Variants in OLA1 observed in about 807,000 individuals in gnomAD.
OLA1 encodes Obg like ATPase 1.
OLA1 carries 14 observed loss-of-function variants against 48.4 expected under a neutral mutation model. The observed-to-expected ratio is 0.29, with a 90% CI of 0.19 to 0.45. The LOEUF is 0.45. Among genes scored for constraint, OLA1 ranks in the 20% least tolerant of loss-of-function variants. The probability of loss-of-function intolerance (pLI) is 1.00; values close to 1 mark genes in which losing one functional copy is unlikely to be tolerated. For synonymous variants in OLA1, 127 were observed against 150.4 expected (o/e 0.84, Z 1.14); for missense variants, 325 against 467.1 (o/e 0.70, Z 2.80).
chr2:174,163,002 C>T (rs1446509809), intron 4 of OLA1, among the ~76,000 whole-genome samples: 2 of 152,090 alleles, frequency 1.3e-5, no homozygotes, highest in Non-Finnish European at 2.9e-5. Context: ...CTTGATAGTG[C>T]CACTGCACTC....
intron 7 of OLA1, among the ~76,000 whole-genome samples, chr2:174,083,598 T>TG (rs1358934206): frequency 6.6e-6 from 1 of 151,744 alleles, no homozygotes; most frequent in African/African-American, 2.4e-5. Flanking sequence ...AAAAAAAAGG[T>TG]GGGGGGACTG....
chr2:174,075,259 G>GT lies in OLA1; in HGVS notation c.*166_*167insA. 1.9e-6 allele frequency: 1 copy of GT among 514,398 alleles called. No homozygotes were observed. Among genetic ancestry groups the GT allele is most frequent in the South Asian group, 2.3e-5 (1 of 43,510 alleles). 31.9% of individuals were successfully genotyped at this position (514,398 alleles called of 1,614,324 possible). On this transcript the variant is annotated 3_prime_UTR_variant, in exon 11 of 11. Coordinates refer to ENST00000284719, the MANE Select transcript of OLA1 (RefSeq NM_013341.5). ...TTAGTGAACCTGCATTTCATGGGGG[G>GT]GGGGGGGTACACAGTATTTTAATTT...
intron 2 of OLA1, among the ~76,000 whole-genome samples, chr2:174,235,909 C>T (rs1392201894): frequency 1.3e-5 from 2 of 152,158 alleles, no homozygotes; most frequent in Non-Finnish European, 2.9e-5. Context: ...CTATGAGCCA[C>T]AGTGGAGAGA....
intron 4 of OLA1, among the ~76,000 whole-genome samples, chr2:174,160,151 A>G (rs2105395581): frequency 6.6e-6 from 1 of 152,164 alleles, no homozygotes; most frequent in East Asian, 1.9e-4. Context: ...AGAAAATACA[A>G]CATACATATA....
At chr2:174,148,490 C>T (rs1253338412) in intron 4 of OLA1, among the ~76,000 whole-genome samples, 1 of 152,158 alleles carries the variant, frequency 6.6e-6, no homozygotes, top group Non-Finnish European at 1.5e-5. Context: ...ATGGTAAACT[C>T]TCATTTAAAA....
At chr2:174,240,656 C>A (rs376641977) in intron 2 of OLA1, among the ~76,000 whole-genome samples, 4 of 152,126 alleles carry the variant, frequency 2.6e-5, no homozygotes, top group African/African-American at 9.6e-5. Context: ...AGAGATATCT[C>A]TGATATCCAT....
intron 2 of OLA1, among the ~76,000 whole-genome samples, chr2:174,244,751 A>C (rs529001312): frequency 6.6e-6 from 1 of 151,754 alleles, no homozygotes; most frequent in South Asian, 2.1e-4. Context: ...CAGCCTCCCG[A>C]GTATCTGGAA....
chr2:174,073,998 A>C lies in OLA1; in HGVS notation c.*1428T>G, dbSNP rs1329226291. 1 of 152,234 alleles carries C rather than the reference A, an allele frequency of 6.6e-6. No individual in the cohort carries two copies. The highest frequency in any genetic ancestry group is 1.5e-5 in the Non-Finnish European group (1 of 68,028). 9.4% of individuals were successfully genotyped at this position (152,234 alleles called of 1,614,324 possible). On this transcript the variant is annotated 3_prime_UTR_variant, in exon 11 of 11. Transcript: ENST00000284719. ...TTGATACTAAAAAAATACTCACTGGAGAGCTTCTAAATTATACTCACGACT... is the reference window on the plus strand; with the variant it reads ...TTGATACTAAAAAAATACTCACTGGCGAGCTTCTAAATTATACTCACGACT...
At chr2:174,180,036 T>A (rs1465892848) in intron 4 of OLA1, among the ~76,000 whole-genome samples, 2 of 152,128 alleles carry the variant, frequency 1.3e-5, no homozygotes, top group African/African-American at 4.8e-5. Context: ...ATAAAACTAC[T>A]GAGTCTAACA....
At chr2:174,089,371 A>G (rs1017351527) in intron 7 of OLA1, among the ~76,000 whole-genome samples, 1 of 152,208 alleles carries the variant, frequency 6.6e-6, no homozygotes, top group Non-Finnish European at 1.5e-5. Context: ...AATGTCTGAG[A>G]TAACTATGCA....
At chr2:174,123,314 G>A (rs777662190) in intron 6 of OLA1, 37 bp from the exon 7 acceptor site, 2 of 996,104 alleles carry the variant, frequency 2.0e-6, no homozygotes, top group South Asian at 1.6e-5. Context: ...CCTTTTAAAA[G>A]TTTAGTAAAT....
intron 7 of OLA1, among the ~76,000 whole-genome samples, chr2:174,089,665 G>A (rs900936852): frequency 6.6e-6 from 1 of 152,086 alleles, no homozygotes; most frequent in East Asian, 1.9e-4. Flanking sequence ...ACTTTGGGAG[G>A]CCGAGGCGGG....
intron 7 of OLA1, among the ~76,000 whole-genome samples, chr2:174,082,542 T>C (rs551833841): frequency 6.6e-6 from 1 of 152,146 alleles, no homozygotes. Flanking sequence ...CTGGTTTAGT[T>C]CCTTCATGGA....
intron 5 of OLA1, among the ~76,000 whole-genome samples, chr2:174,127,072 C>T (rs189353145): frequency 5.3e-4 from 81 of 152,294 alleles, no homozygotes; most frequent in African/African-American, 1.8e-3. Context: ...CAGAGCTTCA[C>T]ATTTAAAATT....
intron 7 of OLA1, among the ~76,000 whole-genome samples, chr2:174,115,450 C>T (rs562944861): frequency 4.6e-4 from 70 of 152,124 alleles, no homozygotes; most frequent in Non-Finnish European, 7.6e-4. Context: ...AAGAAATCAA[C>T]GAAAGCAAAC....
intron 4 of OLA1, among the ~76,000 whole-genome samples, chr2:174,195,309 G>GA (rs1687859921): frequency 1.3e-5 from 2 of 151,822 alleles, no homozygotes; most frequent in Non-Finnish European, 2.9e-5. Context: ...TTGCATGCAT[G>GA]AAAAAATTTT....
At chr2:174,245,787 G>C (rs1204098727) in intron 2 of OLA1, among the ~76,000 whole-genome samples, 1 of 149,956 alleles carries the variant, frequency 6.7e-6, no homozygotes, top group Non-Finnish European at 1.5e-5. Flanking sequence ...CCAGCTACCC[G>C]GGAGGCAGAG....
At chr2:174,117,418 T>G (rs903043886) in intron 7 of OLA1, among the ~76,000 whole-genome samples, 1 of 152,178 alleles carries the variant, frequency 6.6e-6, no homozygotes, top group Non-Finnish European at 1.5e-5. Flanking sequence ...TAAAGTAGTA[T>G]TCTTCTTAAC....
intron 7 of OLA1, among the ~76,000 whole-genome samples, chr2:174,111,538 T>C (rs181391949): frequency 1.3e-5 from 2 of 152,320 alleles, no homozygotes; most frequent in Non-Finnish European, 2.9e-5. Context: ...ATATAATAGA[T>C]GCTCAACAAA....
Sources: gnomAD v4.1 joint callset for allele counts (sites outside exome capture counted in the v4.1 genomes callset) on GRCh38, gnomAD v4.1.1 for gene constraint, MANE v1.5 for transcripts, NCBI Gene and HGNC (gene_info 2026-07-23, HGNC 2026-07-21) for gene names.